The following AKT2 variants were observed in gnomAD, a reference collection of about 807,000 sequenced individuals.
AKT2 encodes AKT serine/threonine kinase 2.
A neutral mutation model predicts 58.6 loss-of-function variants in AKT2; 16 were observed. The ratio of observed to expected loss-of-function variants is 0.27; its 90% CI spans 0.18 to 0.41. The LOEUF is 0.41. AKT2 is among the 10% of genes least tolerant of loss of function. AKT2 has a pLI of 1.00. For missense variants in AKT2, 438 were observed against 661.0 expected (o/e 0.66, Z 3.70); for synonymous variants, 253 against 254.0 (o/e 1.00, Z 0.04).
chr19:40,282,660 A>C lies in AKT2; in HGVS notation c.-85+2521T>G, dbSNP rs1284681248. 40 of 398,872 alleles carry C rather than the reference A, an allele frequency of 1.0e-4. No individual in the cohort carries two copies. In the Admixed American group the frequency reaches 1.2e-3, roughly 12 times the overall value. 24.7% of individuals were successfully genotyped at this position (398,872 alleles called of 1,614,324 possible). A position where few individuals can be genotyped will look rare whatever the true frequency, so the allele number is the denominator to read the frequency against. The stretch of plus-strand genomic sequence containing the variant: ...TCACCCAGCCTGGAACCTGGTGAGC[A>C]AGGAATGCATGGCACTAGGGGCTCA... On this transcript the variant is annotated intron_variant, in intron 1 of 13. Coordinates refer to ENST00000392038, the MANE Select transcript of AKT2 (RefSeq NM_001626.6).
chr19:40,246,088 C>CAAA (rs34293653), intron 4 of AKT2, among the ~76,000 whole-genome samples: 3 of 87,098 alleles, frequency 3.4e-5, no homozygotes, highest in Non-Finnish European at 4.9e-5. Context: ...TCCTGTTTTT[C>CAAA]AAAAAAAAAA....
intron 3 of AKT2, 112 bp downstream of exon 3, chr19:40,256,814 C>A (rs1208669003): frequency 2.0e-6 from 3 of 1,528,216 alleles, no homozygotes; most frequent in Non-Finnish European, 2.7e-6. Flanking sequence ...GATCCAAGGG[C>A]AAGCAGGCCC....
chr19:40,277,211 T>C (rs962216143), intron 1 of AKT2, among the ~76,000 whole-genome samples: 2 of 152,182 alleles, frequency 1.3e-5, no homozygotes, highest in African/African-American at 4.8e-5. Flanking sequence ...TGGCAGCTAA[T>C]GTTACTGCTG....
intron 1 of AKT2, chr19:40,275,208 A>ACCTCCCATCTTGTGTCGCCT (rs1247773302): frequency 4.4e-6 from 2 of 456,270 alleles, no homozygotes; most frequent in Non-Finnish European, 8.8e-6. Flanking sequence ...AGACAGGGCC[A>ACCTCCCATCTTGTGTCGCCT]CCTCCCATCT....
At chr19:40,256,834 C>A in intron 3 of AKT2, 92 bp downstream of exon 3, 1 of 1,583,252 alleles carries the variant, frequency 6.3e-7, no homozygotes, top group Non-Finnish European at 8.7e-7. Context: ...CAGGACAGGC[C>A]CATGGCTCAA....
In AKT2 at chr19:40,235,431, G is replaced by C. The variant is rs1380525848; in HGVS notation, c.1176-81C>G. On this transcript the variant is annotated intron_variant, in intron 11 of 13. Coordinates refer to ENST00000392038, the MANE Select transcript of AKT2 (RefSeq NM_001626.6). This position sits in a 1 kb window ranked among gnomAD's most constrained non-coding sequence, Gnocchi z 6.3. ...CGGGCTTTCGGAGCAGGCAGGCCCT[G>C]TATGGCCCTTAATGATTCTGTCTTG... The C allele has an allele frequency of 8.1e-7, 1 of 1,235,542 alleles. No individual in the cohort carries two copies. Among genetic ancestry groups the C allele is most frequent in the African/African-American group, 1.5e-5 (1 of 67,600 alleles). 76.5% of individuals were successfully genotyped at this position (1,235,542 alleles called of 1,614,324 possible).
chr19:40,248,338 T>C (rs1974893573), intron 4 of AKT2, among the ~76,000 whole-genome samples: 3 of 152,226 alleles, frequency 2.0e-5, no homozygotes, highest in Non-Finnish European at 1.5e-5. Context: ...AGCATTTCTG[T>C]GCACCAGGCT....
chr19:40,238,271 G>A lies in AKT2; in HGVS notation c.709-180C>T, dbSNP rs933296137. On this transcript the variant is annotated intron_variant, in intron 8 of 13. Coordinates refer to ENST00000392038, the MANE Select transcript of AKT2 (RefSeq NM_001626.6). The surrounding 1 kb of genome is among the most constrained non-coding windows in gnomAD (Gnocchi z 5.1). ...AAGCTCATAAGTGACACAGAGCTGGGGGGAAGGGCGAGGGTCTGCCAGGAG... is the reference window on the plus strand; with the variant it reads ...AAGCTCATAAGTGACACAGAGCTGGAGGGAAGGGCGAGGGTCTGCCAGGAG... Among the ~76,000 whole-genome samples, 5 of 152,238 alleles carry A rather than the reference G, an allele frequency of 3.3e-5. No homozygotes were observed. Among genetic ancestry groups the A allele is most frequent in the African/African-American group, 1.2e-4 (5 of 41,464 alleles).
At chr19:40,252,075 C>A (rs1370386682) in intron 4 of AKT2, among the ~76,000 whole-genome samples, 2 of 152,162 alleles carry the variant, frequency 1.3e-5, no homozygotes, top group African/African-American at 2.4e-5. Flanking sequence ...TGAGGAGGCG[C>A]TGCAGCACCT....
chr19:40,273,387 G>T (rs2077252104), intron 1 of AKT2: 1 of 151,230 alleles, frequency 6.6e-6, no homozygotes, highest in South Asian at 2.1e-4. Flanking sequence ...TGGAGACATG[G>T]GAAACTTCAC....
At position 40,233,697 on chromosome 19, in the gene AKT2, C is replaced by G. The variant is rs748694730; in HGVS notation, c.*175G>C. 2.6e-6 allele frequency: 2 copies of G among 759,350 alleles called. No homozygotes were observed. Among genetic ancestry groups the G allele is most frequent in the Non-Finnish European group, 4.7e-6 (2 of 426,592 alleles). 47.0% of individuals were successfully genotyped at this position (759,350 alleles called of 1,614,324 possible). Reference sequence around the variant, plus strand: ...CAAAGGTGAGGCTGGAGGCTGGAGGCAGGGGCTGCAGGGGCCGCTGGGGTG... The same window carrying G: ...CAAAGGTGAGGCTGGAGGCTGGAGGGAGGGGCTGCAGGGGCCGCTGGGGTG... On this transcript the variant is annotated 3_prime_UTR_variant, in exon 14 of 14. Coordinates refer to ENST00000392038, the MANE Select transcript of AKT2 (RefSeq NM_001626.6). This position sits in a 1 kb window ranked among gnomAD's most constrained non-coding sequence, Gnocchi z 4.3.
intron 4 of AKT2, among the ~76,000 whole-genome samples, chr19:40,251,039 C>T (rs1025770549): frequency 5.9e-5 from 9 of 151,698 alleles, no homozygotes; most frequent in Admixed American, 1.3e-4. Flanking sequence ...TCTGTCTCCA[C>T]AAAAAAATTT....
chr19:40,243,096 C>A (rs1974512916), intron 4 of AKT2: 2 of 242,068 alleles, frequency 8.3e-6, no homozygotes, highest in Non-Finnish European at 1.7e-5. Context: ...GAGCAGAGAT[C>A]GCACCACTGC....
intron 3 of AKT2, 141 bp downstream of exon 3, chr19:40,256,785 C>T (rs939259342): frequency 1.7e-5 from 22 of 1,305,340 alleles, no homozygotes; most frequent in African/African-American, 2.9e-5. Flanking sequence ...GGAGGGAGAG[C>T]AGGGGAAGGG....
chr19:40,244,920 C>T (rs1172227071), intron 4 of AKT2, among the ~76,000 whole-genome samples: 2 of 152,204 alleles, frequency 1.3e-5, no homozygotes, highest in African/African-American at 4.8e-5. Context: ...TGGTGTACCA[C>T]GCGAAACTAC....
rs778395925 is a variant in AKT2, at chr19:40,233,955, T to C, written c.1367-4A>G. Reference sequence around the variant, plus strand: ...TCCAGTAAGCCCAGGCTGTCATCTGTGGGCGGCAGAGGTGGATGGGGAGGA... The same window carrying C: ...TCCAGTAAGCCCAGGCTGTCATCTGCGGGCGGCAGAGGTGGATGGGGAGGA... On this transcript the variant is annotated splice_region_variant and splice_polypyrimidine_tract_variant and intron_variant, in intron 13 of 13. Coordinates refer to ENST00000392038, the MANE Select transcript of AKT2 (RefSeq NM_001626.6). The surrounding 1 kb of genome is among the most constrained non-coding windows in gnomAD (Gnocchi z 4.3). 1.2e-6 allele frequency: 2 copies of C among 1,610,180 alleles called. No individual in the cohort carries two copies. The highest frequency in any genetic ancestry group is 2.2e-5 in the East Asian group (1 of 44,868).
intron 4 of AKT2, among the ~76,000 whole-genome samples, chr19:40,251,585 T>G (rs1222457664): frequency 6.6e-6 from 1 of 151,590 alleles, no homozygotes; most frequent in Admixed American, 6.6e-5. Context: ...ATCAATGTCT[T>G]GGGGAGGAAA....
chr19:40,248,659 G>A (rs1277135146), intron 4 of AKT2, among the ~76,000 whole-genome samples: 1 of 152,270 alleles, frequency 6.6e-6, no homozygotes, highest in Non-Finnish European at 1.5e-5. Flanking sequence ...GCAGGAGCAA[G>A]CTGGGGTGTC....
chr19:40,244,062 T>G (rs1974585550), intron 4 of AKT2: 1 of 112,530 alleles, frequency 8.9e-6, no homozygotes, highest in Non-Finnish European at 1.8e-5. Context: ...AATAAAATAA[T>G]AATAATAATA....
Sources: gnomAD v4.1 joint callset for allele counts (sites outside exome capture counted in the v4.1 genomes callset) on GRCh38, gnomAD v4.1.1 for gene constraint, Gnocchi (gnomAD v3.1) non-coding constraint, MANE v1.5 for transcripts, NCBI Gene and HGNC (gene_info 2026-07-23, HGNC 2026-07-21) for gene names.